PCNT: variants seen among roughly 807,000 people sequenced by gnomAD.
PCNT encodes kendrin.
A neutral mutation model predicts 380.4 loss-of-function variants in PCNT; 319 were observed. That is an observed-to-expected ratio of 0.84 (90% CI 0.77 to 0.92). PCNT has a LOEUF of 0.92. Among genes scored for constraint, PCNT ranks in the 40% least tolerant of loss-of-function variants. The pLI is 0.00. For missense variants in PCNT, 4,400 were observed against 4,255.3 expected (o/e 1.03, Z -0.95); for synonymous variants, 1,845 against 1,735.2 (o/e 1.06, Z -1.57).
intron 9 of PCNT, among the ~76,000 whole-genome samples, chr21:46,352,829 C>CT (rs1443308403): frequency 6.6e-6 from 1 of 152,196 alleles, no homozygotes; most frequent in Non-Finnish European, 1.5e-5. Context: ...GGACCATCGT[C>CT]TGTCTCCTTG....
At chr21:46,401,231 C>T (rs2086416784) in intron 25 of PCNT, among the ~76,000 whole-genome samples, 1 of 152,206 alleles carries the variant, frequency 6.6e-6, no homozygotes, top group African/African-American at 2.4e-5. Context: ...AGCCATTGCC[C>T]TATTTTTTTT....
chr21:46,333,569 A>G (rs1198097968), intron 2 of PCNT, among the ~76,000 whole-genome samples: 1 of 151,786 alleles, frequency 6.6e-6, no homozygotes, highest in African/African-American at 2.4e-5. Flanking sequence ...TCATGCCACC[A>G]GCCTGGGCGA....
intron 19 of PCNT, 128 bp from the exon 20 acceptor site, chr21:46,390,542 C>A: frequency 1.0e-6 from 1 of 974,850 alleles, no homozygotes; most frequent in Non-Finnish European, 1.7e-6. Context: ...TCCCGTCACC[C>A]TGGCCTGGCC....
rs2148131095 is a variant in PCNT at position 46,443,959 on chromosome 21, T to C, written c.9839+11T>C. ...ACACAGTGGGGGAAGGTCAGTGTGA[T>C]GCCTTCAGGCCCCGTCTCCTGCCAG... On this transcript the variant is annotated intron_variant, in intron 45 of 46. Transcript: ENST00000359568. 1 of 1,611,368 alleles carries C rather than the reference T, an allele frequency of 6.2e-7. No individual in the cohort carries two copies. The highest frequency in any genetic ancestry group is 1.7e-5 in the Admixed American group (1 of 59,992).
chr21:46,383,750 G>A (rs1192875902), intron 16 of PCNT, among the ~76,000 whole-genome samples: 1 of 145,450 alleles, frequency 6.9e-6, no homozygotes, highest in Non-Finnish European at 1.5e-5. Flanking sequence ...TCACAGTGCT[G>A]TGCATTCAGC....
chr21:46,333,159 C>T (rs1433226782), intron 2 of PCNT, among the ~76,000 whole-genome samples: 3 of 151,882 alleles, frequency 2.0e-5, no homozygotes, highest in Admixed American at 6.6e-5. Flanking sequence ...CATGGCCGGG[C>T]GCAGTGACTC....
rs756724097 is a variant in PCNT, at chr21:46,389,239, G to A, written c.3648G>A (p.Pro1216=). The change falls in exon 19 of 47, where the codon CCG becomes CCA. Residue 1216 remains proline, a synonymous_variant. Coordinates refer to ENST00000359568, the MANE Select transcript of PCNT (RefSeq NM_006031.6). ...LEETWSDVAL[P]ELDRTLSECA... ...AGACATGGTCTGATGTGGCCCTCCC[G>A]GAGTTGGACAGAACTTTGTCTGAAT... 8.7e-6 allele frequency: 14 copies of A among 1,614,092 alleles called. No homozygotes were observed. The Admixed American group carries it at 1.0e-4, about 12-fold the overall frequency.
chr21:46,325,073 T>C, intron 1 of PCNT: 2 of 985,334 alleles, frequency 2.0e-6, no homozygotes, highest in Non-Finnish European at 2.4e-6. Context: ...GGTTTCTCCG[T>C]GAAAAAGCGC....
intron 3 of PCNT, among the ~76,000 whole-genome samples, chr21:46,336,273 G>C (rs746781775): frequency 4.6e-5 from 7 of 152,216 alleles, no homozygotes; most frequent in Non-Finnish European, 7.3e-5. Flanking sequence ...CACTATGCAG[G>C]CCAAGTTTAG....
chr21:46,412,183 C>T (rs1417258460), intron 28 of PCNT, 116 bp downstream of exon 28: 8 of 1,250,822 alleles, frequency 6.4e-6, no homozygotes, highest in African/African-American at 1.5e-5. Context: ...CATGGTGGCT[C>T]ATGACACAGC....
In PCNT at chr21:46,445,422, C is replaced by CATGAAGAG; in HGVS notation, c.*95_*96insATGAAGAG. The CATGAAGAG allele has an allele frequency of 3.1e-6, 3 of 954,802 alleles. No homozygotes were observed. The highest frequency in any genetic ancestry group is 1.3e-5 in the South Asian group (1 of 77,960). The allele number at this position is 954,802 out of a possible 1,614,324, so 59.1% of individuals were successfully genotyped here. A position where few individuals can be genotyped will look rare whatever the true frequency, so the allele number is the denominator to read the frequency against. ...GGAAGCTCGTGGGACAGCATGGGCA[C>CATGAAGAG]TACTCTTCATGTGCGGTGACACCAG... On this transcript the variant is annotated 3_prime_UTR_variant, in exon 47 of 47. Transcript: ENST00000359568.
intron 14 of PCNT, among the ~76,000 whole-genome samples, chr21:46,364,387 T>C (rs1332373197): frequency 6.6e-6 from 1 of 152,152 alleles, no homozygotes; most frequent in African/African-American, 2.4e-5. Flanking sequence ...ACGGGCAGGC[T>C]GGCAGCTGCC....
rs1269435393 is a variant in PCNT at position 46,411,216 on chromosome 21, G to A, written c.5143G>A (p.Glu1715Lys). 5.0e-6 allele frequency: 8 copies of A among 1,614,008 alleles called. No individual in the cohort carries two copies. Among genetic ancestry groups the A allele is most frequent in the Non-Finnish European group, 6.8e-6 (8 of 1,180,034 alleles). Reference protein sequence around the residue: ...KVIYTRSSEIEELKATIENLQ... With the variant: ...KVIYTRSSEIKELKATIENLQ... ...CATATATACCAGAAGTTCTGAGATT[G>A]AAGAGCTGAAAGCCACTATTGAAAA... The change falls in exon 28 of 47, where the codon GAA (glutamate) becomes AAA (lysine). Residue 1715 changes from glutamate to lysine, a missense_variant. Glu to Lys is a moderately conservative substitution (Grantham distance 56). Coordinates refer to ENST00000359568, the MANE Select transcript of PCNT (RefSeq NM_006031.6).
At chr21:46,421,890 C>T (rs2087266520) in intron 31 of PCNT, 80 bp from the exon 32 acceptor site, 2 of 1,525,882 alleles carry the variant, frequency 1.3e-6, no homozygotes, top group Non-Finnish European at 9.0e-7. Context: ...CCGATCACCC[C>T]TGTCCTGCCT....
At chr21:46,359,480 G>GTTTTTTTTTTCTTTTTTTTTTTTTTT (rs1478908165) in intron 13 of PCNT, among the ~76,000 whole-genome samples, 1 of 65,732 alleles carries the variant, frequency 1.5e-5, no homozygotes, top group African/African-American at 4.5e-5. Context: ...AAATACACCT[G>GTTTTTTTTTTCTTTTTTTTTTTTTTT]TTTTTTTTTT....
At chr21:46,371,206 CTTTCTTTCTTTTTT>C (rs1191508072) in intron 15 of PCNT, among the ~76,000 whole-genome samples, 2 of 123,752 alleles carry the variant, frequency 1.6e-5, no homozygotes, top group Admixed American at 7.8e-5. Flanking sequence ...GGTTTATTTT[CTTTCTTTCTTTTTT>C]TTTTTTTTTT....
intron 13 of PCNT, among the ~76,000 whole-genome samples, chr21:46,358,629 T>G (rs1248019744): frequency 2.0e-5 from 1 of 51,150 alleles, no homozygotes; most frequent in Non-Finnish European, 4.4e-5. Context: ...TGTTGTTTTG[T>G]TTTTTTTTTT....
At chr21:46,437,744 G>A (rs1180801551) in intron 40 of PCNT, among the ~76,000 whole-genome samples, 1 of 152,242 alleles carries the variant, frequency 6.6e-6, no homozygotes. Context: ...CCAGCTGAAC[G>A]TCGTTGTGGG....
At chr21:46,358,864 A>C (rs2084579816) in intron 13 of PCNT, among the ~76,000 whole-genome samples, 1 of 149,782 alleles carries the variant, frequency 6.7e-6, no homozygotes, top group African/African-American at 2.5e-5. Flanking sequence ...GCGGTGGCGC[A>C]ATCTCAGCTC....
Sources: gnomAD v4.1 joint callset for allele counts (sites outside exome capture counted in the v4.1 genomes callset) on GRCh38, gnomAD v4.1.1 for gene constraint, MANE v1.5 for transcripts, NCBI Gene and HGNC (gene_info 2026-07-23, HGNC 2026-07-21) for gene names.